NEK1: variants seen among roughly 807,000 people sequenced by gnomAD.
The protein encoded by NEK1 is serine/threonine-protein kinase Nek1.
A neutral mutation model predicts 182.1 loss-of-function variants in NEK1; 137 were observed. The observed-to-expected ratio is 0.75, with a 90% confidence interval of 0.65 to 0.87. The LOEUF is 0.87. Among genes scored for constraint, NEK1 ranks in the 40% least tolerant of loss-of-function variants. The pLI is 0.00. For missense variants in NEK1, 1,391 were observed against 1,494.4 expected, an observed-to-expected ratio of 0.93 and a Z score of 1.14; for synonymous variants, 513 against 492.2, an observed-to-expected ratio of 1.04 and a Z score of -0.56.
chr4:169,599,409 T>C (rs1031720828), intron 4 of NEK1, among the ~76,000 whole-genome samples: 2 of 152,200 alleles, frequency 1.3e-5, no homozygotes, highest in African/African-American at 4.8e-5. Flanking sequence ...ATGATTTCTA[T>C]TAAAAATACA....
chr4:169,586,788 C>A (rs1216974335), intron 9 of NEK1, among the ~76,000 whole-genome samples: 1 of 151,634 alleles, frequency 6.6e-6, no homozygotes. Flanking sequence ...AAAAAATATT[C>A]CCCAAATAGT....
intron 27 of NEK1, among the ~76,000 whole-genome samples, chr4:169,457,105 A>T (rs1743032575): frequency 6.6e-6 from 1 of 152,128 alleles, no homozygotes; most frequent in African/African-American, 2.4e-5. Flanking sequence ...ATGAGTACAA[A>T]AATACAGTTA....
At chr4:169,601,617 A>T (rs1016475671) in intron 4 of NEK1, among the ~76,000 whole-genome samples, 1 of 152,170 alleles carries the variant, frequency 6.6e-6, no homozygotes, top group African/African-American at 2.4e-5. Context: ...AAGTTCAGTT[A>T]AAAAATATGT....
At chr4:169,609,559 A>G (rs1051019748) in intron 2 of NEK1, among the ~76,000 whole-genome samples, 1 of 152,182 alleles carries the variant, frequency 6.6e-6, no homozygotes, top group Non-Finnish European at 1.5e-5. Context: ...GTAAAAGGAA[A>G]TACATAAGTA....
intron 2 of NEK1, among the ~76,000 whole-genome samples, chr4:169,611,409 G>A (rs1436548827): frequency 6.6e-6 from 1 of 152,032 alleles, no homozygotes. Context: ...TCCAAATTTG[G>A]CTCCCCTCCA....
Position 169,400,661 on chromosome 4 carries a change from A to T in NEK1, c.3584-10T>A. ...TCACCATCACTGTTATCTAAAAAAC[A>T]AAATTAAAATAGAGATTTGATTTAA... On this transcript the variant is annotated splice_polypyrimidine_tract_variant and intron_variant, in intron 33 of 35. Transcript: ENST00000507142. 6.4e-7 allele frequency: 1 copy of T among 1,551,586 alleles called. No individual in the cohort carries two copies. Among genetic ancestry groups the T allele is most frequent in the Non-Finnish European group, 8.7e-7 (1 of 1,146,430 alleles).
At chr4:169,418,644 G>T (rs1734935562) in intron 31 of NEK1, among the ~76,000 whole-genome samples, 1 of 151,942 alleles carries the variant, frequency 6.6e-6, no homozygotes, top group Admixed American at 6.6e-5. Context: ...TATTATTGCA[G>T]AAAAAAGATA....
At chr4:169,433,514 G>A (rs756419813) in intron 29 of NEK1, 31 bp downstream of exon 29, 2 of 1,582,202 alleles carry the variant, frequency 1.3e-6, no homozygotes, top group Admixed American at 1.8e-5. Flanking sequence ...AGGGACCTGG[G>A]TTTTAAAATG....
chr4:169,599,161 T>C lies in NEK1; in HGVS notation c.251A>G (p.Glu84Gly). 2 of 1,613,272 alleles carry C rather than the reference T, an allele frequency of 1.2e-6. No individual in the cohort carries two copies. The highest frequency in any genetic ancestry group is 1.7e-6 in the Non-Finnish European group (2 of 1,179,586). Reference sequence around the variant, plus strand: ...TATTCGCTTAAACAGATCCCCTCCCTCACAGTAATCCATTACTATGTAGAG... The same window carrying C: ...TATTCGCTTAAACAGATCCCCTCCCCCACAGTAATCCATTACTATGTAGAG... ...GSLYIVMDYC[E>G]GGDLFKRINA... The change falls in exon 5 of 36, where the codon GAG (glutamate) becomes GGG (glycine). Residue 84 changes from glutamate to glycine, a missense_variant. Transcript: ENST00000507142.
intron 5 of NEK1, among the ~76,000 whole-genome samples, chr4:169,593,420 G>C (rs1158872322): frequency 1.3e-5 from 2 of 152,182 alleles, no homozygotes; most frequent in Non-Finnish European, 2.9e-5. Context: ...AGATGGGTAA[G>C]TAAACCAGTA....
intron 18 of NEK1, among the ~76,000 whole-genome samples, chr4:169,546,094 CT>C (rs1760388892): frequency 6.6e-6 from 1 of 152,206 alleles, no homozygotes; most frequent in Non-Finnish European, 1.5e-5. Context: ...AATTGTAGAT[CT>C]TTCCCGCTTT....
chr4:169,544,548 G>A (rs1441989773), intron 18 of NEK1, among the ~76,000 whole-genome samples: 1 of 149,330 alleles, frequency 6.7e-6, no homozygotes, highest in Non-Finnish European at 1.5e-5. Context: ...AATGGTACCA[G>A]CTCCTCTTTG....
intron 18 of NEK1, among the ~76,000 whole-genome samples, chr4:169,544,121 TAAATAGCTCTTATTA>T (rs1759947886): frequency 6.6e-6 from 1 of 152,208 alleles, no homozygotes; most frequent in African/African-American, 2.4e-5. Context: ...GGGTTTGTCA[TAAATAGCTCTTATTA>T]AGATCTGTTC....
At chr4:169,469,816 T>C (rs1745591936) in intron 26 of NEK1, among the ~76,000 whole-genome samples, 2 of 152,184 alleles carry the variant, frequency 1.3e-5, no homozygotes, top group African/African-American at 2.4e-5. Context: ...ATTGGGTGCA[T>C]ATATATTTAG....
chr4:169,485,755 C>A (rs2149585497), intron 23 of NEK1, among the ~76,000 whole-genome samples: 1 of 152,262 alleles, frequency 6.6e-6, no homozygotes, highest in East Asian at 1.9e-4. Context: ...ATGGCTCACA[C>A]CTATAATCCC....
At chr4:169,463,167 G>T in intron 27 of NEK1, 76 bp downstream of exon 27, 1 of 791,844 alleles carries the variant, frequency 1.3e-6, no homozygotes, top group Non-Finnish European at 1.8e-6. Context: ...ACTTAAAATG[G>T]AAACATCTTA....
chr4:169,457,181 T>C (rs1010543544), intron 27 of NEK1, among the ~76,000 whole-genome samples: 1 of 152,168 alleles, frequency 6.6e-6, no homozygotes, highest in African/African-American at 2.4e-5. Context: ...TCAAGAATAA[T>C]ATATTGTGCA....
intron 18 of NEK1, among the ~76,000 whole-genome samples, chr4:169,552,743 C>A (rs1761615086): frequency 1.3e-5 from 2 of 152,014 alleles, no homozygotes; most frequent in African/African-American, 4.8e-5. Context: ...AGCAAAGTTG[C>A]AGGATAGAAG....
At chr4:169,595,795 C>T (rs998914060) in intron 5 of NEK1, among the ~76,000 whole-genome samples, 122 of 151,828 alleles carry the variant, frequency 8.0e-4, no homozygotes, top group African/African-American at 2.8e-3. Context: ...TGGTGGCGGG[C>T]GCCTGTAGTC....
Sources: gnomAD v4.1 joint callset for allele counts (sites outside exome capture counted in the v4.1 genomes callset) on GRCh38, gnomAD v4.1.1 for gene constraint, MANE v1.5 for transcripts, NCBI Gene and HGNC (gene_info 2026-07-23, HGNC 2026-07-21) for gene names.